Variants in CACNG3 observed in about 807,000 individuals in gnomAD.
CACNG3 encodes voltage-dependent calcium channel gamma-3 subunit.
CACNG3 carries 3 observed loss-of-function variants against 28.5 expected under a neutral mutation model. That is an observed-to-expected ratio of 0.11 (90% CI 0.05 to 0.27). The LOEUF (loss-of-function observed/expected upper bound fraction) is 0.27. Ranked by LOEUF, CACNG3 falls within the 10% of genes least tolerant of loss-of-function variation. The probability of loss-of-function intolerance (pLI) is 1.00; values close to 1 mark genes in which losing one functional copy is unlikely to be tolerated. For missense variants in CACNG3, 236 were observed against 414.4 expected (o/e 0.57, Z 3.74); for synonymous variants, 174 against 162.2 (o/e 1.07, Z -0.55).
chr16:24,268,024 T>C (rs1898638106), intron 1 of CACNG3, among the ~76,000 whole-genome samples: 1 of 152,240 alleles, frequency 6.6e-6, no homozygotes, highest in South Asian at 2.1e-4. Flanking sequence ...AGACACACGC[T>C]AGATGCCAGG....
chr16:24,295,628 C>T (rs530613125), intron 1 of CACNG3, among the ~76,000 whole-genome samples: 1 of 152,058 alleles, frequency 6.6e-6, no homozygotes, highest in South Asian at 2.1e-4. Flanking sequence ...AGGAAGATTA[C>T]TTGAGCCTAG....
In CACNG3 at chr16:24,340,934, C is replaced by T. The variant is rs117368287; in HGVS notation, c.212-5800C>T. Among the ~76,000 whole-genome samples, 827 of 152,306 alleles carry T rather than the reference C, an allele frequency of 5.4e-3. 8 individuals are homozygous for T. The highest frequency in any genetic ancestry group is 0.024 in the Middle Eastern group (7 of 294). Reference sequence around the variant, plus strand: ...GATCTTTTTCCTGCTTTAGCTTCTACCTCTCTCTGCTCCAATGCCTGAACT... The same window carrying T: ...GATCTTTTTCCTGCTTTAGCTTCTATCTCTCTCTGCTCCAATGCCTGAACT... On this transcript the variant is annotated intron_variant, in intron 1 of 3. Coordinates refer to ENST00000005284, the MANE Select transcript of CACNG3 (RefSeq NM_006539.4).
At chr16:24,317,661 A>G (rs1899393238) in intron 1 of CACNG3, among the ~76,000 whole-genome samples, 1 of 90,488 alleles carries the variant, frequency 1.1e-5, no homozygotes, top group African/African-American at 5.1e-5. Flanking sequence ...AGAAAGAAAG[A>G]AAGAAAGAAA....
At chr16:24,320,638 C>T (rs1340677182) in intron 1 of CACNG3, among the ~76,000 whole-genome samples, 3 of 152,200 alleles carry the variant, frequency 2.0e-5, no homozygotes, top group Non-Finnish European at 2.9e-5. Flanking sequence ...TTCTGTGCTT[C>T]ACTTTCCTTG....
chr16:24,328,962 G>A (rs1007363495), intron 1 of CACNG3, among the ~76,000 whole-genome samples: 2 of 152,038 alleles, frequency 1.3e-5, no homozygotes, highest in Non-Finnish European at 2.9e-5. Context: ...GACAGCCCCC[G>A]CCACACCCCC....
chr16:24,300,687 C>T (rs950470368), intron 1 of CACNG3, among the ~76,000 whole-genome samples: 1 of 151,454 alleles, frequency 6.6e-6, no homozygotes, highest in Non-Finnish European at 1.5e-5. Flanking sequence ...CTTTGGGAGG[C>T]CAAGGTAGGC....
chr16:24,350,054 A>G (rs1035025131), intron 2 of CACNG3, among the ~76,000 whole-genome samples: 32 of 152,246 alleles, frequency 2.1e-4, no homozygotes, highest in African/African-American at 7.7e-4. Flanking sequence ...GAAACAGGGA[A>G]GGAAGACAGT....
chr16:24,349,038 C>A (rs567858611), intron 2 of CACNG3, among the ~76,000 whole-genome samples: 2 of 152,196 alleles, frequency 1.3e-5, no homozygotes, highest in Non-Finnish European at 2.9e-5. Context: ...TAAGGAGAGG[C>A]CTTAATGAGA....
At chr16:24,274,670 T>A (rs1192949815) in intron 1 of CACNG3, among the ~76,000 whole-genome samples, 1 of 152,182 alleles carries the variant, frequency 6.6e-6, no homozygotes, top group African/African-American at 2.4e-5. Context: ...TACTGGTTGA[T>A]GAAGGTAGTC....
At chr16:24,313,005 A>G (rs28500591) in intron 1 of CACNG3, among the ~76,000 whole-genome samples, 1 of 149,778 alleles carries the variant, frequency 6.7e-6, no homozygotes, top group Non-Finnish European at 1.5e-5. Context: ...GAAAGAAAGA[A>G]AAAGAGAGAA....
chr16:24,273,331 G>A (rs1213207186), intron 1 of CACNG3, among the ~76,000 whole-genome samples: 1 of 152,068 alleles, frequency 6.6e-6, no homozygotes, highest in Non-Finnish European at 1.5e-5. Flanking sequence ...GATAGGTGAG[G>A]ATTTAGCAAA....
At chr16:24,308,999 C>T (rs183226879) in intron 1 of CACNG3, among the ~76,000 whole-genome samples, 1 of 152,192 alleles carries the variant, frequency 6.6e-6, no homozygotes, top group Non-Finnish European at 1.5e-5. Flanking sequence ...CACAGCAGCC[C>T]TTTAGATAGT....
At chr16:24,347,188 C>T (rs556214524) in intron 2 of CACNG3, among the ~76,000 whole-genome samples, 2 of 152,210 alleles carry the variant, frequency 1.3e-5, no homozygotes, top group East Asian at 3.9e-4. Flanking sequence ...TGTGGTGGCA[C>T]ACACCTGTAG....
intron 1 of CACNG3, among the ~76,000 whole-genome samples, chr16:24,268,775 G>A (rs573647684): frequency 1.1e-4 from 16 of 152,282 alleles, no homozygotes; most frequent in Non-Finnish European, 1.5e-4. Flanking sequence ...TGGGGTGTTC[G>A]CCAATGGGGG....
chr16:24,261,226 G>T (rs889604995), intron 1 of CACNG3, among the ~76,000 whole-genome samples: 1 of 152,156 alleles, frequency 6.6e-6, no homozygotes, highest in Non-Finnish European at 1.5e-5. Flanking sequence ...TTCTCAGCAG[G>T]TTTGGAGGCG....
intron 1 of CACNG3, among the ~76,000 whole-genome samples, chr16:24,317,547 AAAAAG>A (rs1340204788): frequency 2.4e-4 from 34 of 140,464 alleles, no homozygotes; most frequent in African/African-American, 7.8e-4. Context: ...CTCAAAAAAA[AAAAAG>A]AAAAAGAAAG....
intron 1 of CACNG3, among the ~76,000 whole-genome samples, chr16:24,311,514 A>G (rs1380730391): frequency 6.6e-6 from 1 of 151,850 alleles, no homozygotes; most frequent in Non-Finnish European, 1.5e-5. Context: ...ATTTCAAAAA[A>G]AAAAAAAGTG....
intron 1 of CACNG3, among the ~76,000 whole-genome samples, chr16:24,258,997 C>A (rs1447810248): frequency 6.6e-6 from 1 of 152,114 alleles, no homozygotes; most frequent in Non-Finnish European, 1.5e-5. Context: ...AGTCCTACAC[C>A]CACAGTTTGT....
intron 2 of CACNG3, among the ~76,000 whole-genome samples, chr16:24,351,619 AAGG>A (rs1246035940): frequency 9.1e-5 from 7 of 77,008 alleles, no homozygotes; most frequent in African/African-American, 1.8e-4. Context: ...GGGGAAGGGG[AAGG>A]AGGGGAAGGG....
Sources: allele counts gnomAD v4.1 joint callset (sites outside exome capture counted in the v4.1 genomes callset), GRCh38; gene constraint gnomAD v4.1.1; transcripts MANE v1.5; gene names NCBI Gene and HGNC (gene_info 2026-07-23, HGNC 2026-07-21).